CDC14A: variants seen among roughly 807,000 people sequenced by gnomAD.
The protein encoded by CDC14A is cell division cycle 14A.
In CDC14A, 53 loss-of-function variants were observed where a neutral mutation model predicts 74.4. The observed-to-expected ratio is 0.71, with a 90% CI of 0.57 to 0.89. The LOEUF (loss-of-function observed/expected upper bound fraction) is 0.89. Among genes scored for constraint, CDC14A ranks in the 40% least tolerant of loss-of-function variants. CDC14A has a pLI of 0.00. For missense variants in CDC14A, 646 were observed against 713.7 expected (o/e 0.91, Z 1.08); for synonymous variants, 247 against 258.4 (o/e 0.96, Z 0.43).
intron 8 of CDC14A, among the ~76,000 whole-genome samples, chr1:100,457,662 G>A (rs978933549): frequency 1.3e-5 from 2 of 149,954 alleles, no homozygotes; most frequent in Admixed American, 6.6e-5. Context: ...GTAGAGATGA[G>A]GTCTCTATGT....
intron 2 of CDC14A, among the ~76,000 whole-genome samples, chr1:100,362,058 C>T (rs1000624023): frequency 3.9e-5 from 6 of 152,036 alleles, no homozygotes; most frequent in African/African-American, 1.2e-4. Flanking sequence ...AGGTGAGGTA[C>T]GTAAATCAGA....
At chr1:100,374,751 G>A (rs922047493) in intron 2 of CDC14A, among the ~76,000 whole-genome samples, 8 of 152,146 alleles carry the variant, frequency 5.3e-5, no homozygotes, top group African/African-American at 1.4e-4. Flanking sequence ...TGTCATTTGG[G>A]TGGCAGCAAA....
chr1:100,439,944 T>C lies in CDC14A; in HGVS notation c.402T>C (p.Phe134=), dbSNP rs772019633. The C allele has an allele frequency of 2.5e-6, 4 of 1,612,134 alleles. No homozygotes were observed. The highest frequency in any genetic ancestry group is 3.4e-6 in the Non-Finnish European group (4 of 1,178,364). Residue 134 remains phenylalanine, a synonymous_variant, in exon 6 of 16, where the codon TTT becomes TTC. Coordinates refer to ENST00000336454, the MANE Select transcript of CDC14A (RefSeq NM_003672.4). ...PPYLPFRDAS[F]GNCTYNLTIL... ...TTTATGTTTATAGGGATGCTTCCTTTGGAAATTGCACTTACAATCTCACCA... is the reference window on the plus strand; with the variant it reads ...TTTATGTTTATAGGGATGCTTCCTTCGGAAATTGCACTTACAATCTCACCA...
At chr1:100,403,604 G>A (rs1182146747) in intron 4 of CDC14A, among the ~76,000 whole-genome samples, 3 of 152,206 alleles carry the variant, frequency 2.0e-5, no homozygotes, top group African/African-American at 7.2e-5. Flanking sequence ...TATTCAGTTG[G>A]TACTTGACTT....
At position 100,394,036 on chromosome 1, in the gene CDC14A, C is replaced by T. The variant is rs1189144259; in HGVS notation, c.309+3212C>T. ...AACCTGTGCCTGCCATTCTGGGGAC[C>T]TCAGGTTTGCCCTACTCTTCTCATT... On this transcript the variant is annotated intron_variant, in intron 4 of 15. Coordinates refer to ENST00000336454, the MANE Select transcript of CDC14A (RefSeq NM_003672.4). 7 of 256,528 alleles carry T rather than the reference C, an allele frequency of 2.7e-5. No individual in the cohort carries two copies. The East Asian group carries it at 7.0e-4, about 26-fold the overall frequency. 15.9% of individuals were successfully genotyped at this position (256,528 alleles called of 1,614,324 possible).
intron 2 of CDC14A, among the ~76,000 whole-genome samples, chr1:100,359,581 T>C (rs1652396021): frequency 6.6e-6 from 1 of 152,200 alleles, no homozygotes; most frequent in Non-Finnish European, 1.5e-5. Flanking sequence ...AATTTAAACA[T>C]TTTTCTTTGT....
At chr1:100,378,782 A>T (rs750346182) in intron 3 of CDC14A, among the ~76,000 whole-genome samples, 1 of 152,210 alleles carries the variant, frequency 6.6e-6, no homozygotes, top group Non-Finnish European at 1.5e-5. Flanking sequence ...GTTTTACTCA[A>T]CTTTTGTAGG....
At position 100,518,243 on chromosome 1, in the gene CDC14A, C is replaced by T; in HGVS notation, c.1756-8C>T. On this transcript the variant is annotated splice_polypyrimidine_tract_variant and splice_region_variant and intron_variant, in intron 15 of 15. Coordinates refer to ENST00000336454, the MANE Select transcript of CDC14A (RefSeq NM_003672.4). ...ATTTAACCTCAGTTTATGTCTCTCC[C>T]TGCACAGTCCCTTCAGTCTGAATAT... 6.2e-7 allele frequency: 1 copy of T among 1,609,902 alleles called. No individual in the cohort carries two copies.
intron 4 of CDC14A, among the ~76,000 whole-genome samples, chr1:100,404,280 C>T (rs1659647216): frequency 6.6e-6 from 1 of 152,036 alleles, no homozygotes; most frequent in Admixed American, 6.6e-5. Context: ...AATAGGGTTG[C>T]CATGCTAAAA....
intron 4 of CDC14A, among the ~76,000 whole-genome samples, chr1:100,403,281 A>T (rs1057328956): frequency 6.6e-6 from 1 of 152,206 alleles, no homozygotes; most frequent in African/African-American, 2.4e-5. Context: ...GCATACTGAT[A>T]TTTTATATTC....
chr1:100,442,110 A>G (rs1369513139), intron 6 of CDC14A, among the ~76,000 whole-genome samples: 1 of 151,410 alleles, frequency 6.6e-6, no homozygotes, highest in Non-Finnish European at 1.5e-5. Context: ...GTTCTAAGTC[A>G]TTGTTTACAA....
At chr1:100,517,479 CTGCTAAAA>C (rs1440396344) in intron 15 of CDC14A, among the ~76,000 whole-genome samples, 1 of 152,050 alleles carries the variant, frequency 6.6e-6, no homozygotes, top group African/African-American at 2.4e-5. Context: ...TCACTGTTTC[CTGCTAAAA>C]AAAATAACTG....
At chr1:100,396,983 T>C (rs1658589063) in intron 4 of CDC14A, among the ~76,000 whole-genome samples, 1 of 152,214 alleles carries the variant, frequency 6.6e-6, no homozygotes, top group Non-Finnish European at 1.5e-5. Context: ...CGGCTGGCTT[T>C]GAATGTGGCC....
intron 3 of CDC14A, among the ~76,000 whole-genome samples, chr1:100,379,867 T>C (rs1329341054): frequency 6.6e-6 from 1 of 151,268 alleles, no homozygotes; most frequent in Non-Finnish European, 1.5e-5. Context: ...GGGAGGGAGG[T>C]GCCACACTCT....
chr1:100,499,323 C>G, intron 15 of CDC14A, 61 bp downstream of exon 15: 1 of 1,614,072 alleles, frequency 6.2e-7, no homozygotes, highest in Non-Finnish European at 8.5e-7. Context: ...CTGTGCCTTG[C>G]CTTCCCAGCC....
intron 4 of CDC14A, among the ~76,000 whole-genome samples, chr1:100,401,740 T>C (rs1659281712): frequency 6.6e-6 from 1 of 152,160 alleles, no homozygotes; most frequent in Non-Finnish European, 1.5e-5. Flanking sequence ...AATTTCCAGT[T>C]AAGAATTAAT....
intron 2 of CDC14A, among the ~76,000 whole-genome samples, chr1:100,359,566 G>A (rs1021073552): frequency 1.3e-5 from 2 of 152,238 alleles, no homozygotes; most frequent in African/African-American, 2.4e-5. Context: ...GGAATGTGTG[G>A]TGGTAATTTA....
chr1:100,395,885 A>C (rs912897562), intron 4 of CDC14A, among the ~76,000 whole-genome samples: 1 of 152,170 alleles, frequency 6.6e-6, no homozygotes, highest in Middle Eastern at 3.4e-3. Flanking sequence ...TTCTATCTGG[A>C]ATGTTCTTAC....
intron 2 of CDC14A, among the ~76,000 whole-genome samples, chr1:100,367,797 T>G (rs978764234): frequency 6.6e-6 from 1 of 152,204 alleles, no homozygotes. Context: ...TGGGAAGTCC[T>G]CTGGGTTAGG....
Sources: allele counts gnomAD v4.1 joint callset (sites outside exome capture counted in the v4.1 genomes callset), GRCh38; gene constraint gnomAD v4.1.1; transcripts MANE v1.5; gene names NCBI Gene and HGNC (gene_info 2026-07-23, HGNC 2026-07-21).